PLPPR1: variants seen among roughly 807,000 people sequenced by gnomAD.
The protein encoded by PLPPR1 is phospholipid phosphatase related 1.
PLPPR1 carries 10 observed loss-of-function variants against 33.1 expected under a neutral mutation model. The ratio of observed to expected loss-of-function variants is 0.30; its 90% CI spans 0.19 to 0.51. The LOEUF is 0.51. PLPPR1 is among the 20% of genes least tolerant of loss of function. The pLI, the probability that PLPPR1 is intolerant of heterozygous loss-of-function variation, is 0.97. For missense variants in PLPPR1, 304 were observed against 408.1 expected, an observed-to-expected ratio of 0.74 and a Z score of 2.20; for synonymous variants, 151 against 151.0, an observed-to-expected ratio of 1.00 and a Z score of 0.00.
At chr9:101,304,409 A>C (rs1376952315) in intron 4 of PLPPR1, among the ~76,000 whole-genome samples, 2 of 152,222 alleles carry the variant, frequency 1.3e-5, no homozygotes, top group Admixed American at 1.3e-4. Flanking sequence ...GTTTGATGCT[A>C]GGTGCTGGGA....
chr9:101,295,248 C>A (rs370821719), intron 4 of PLPPR1, among the ~76,000 whole-genome samples: 1 of 151,498 alleles, frequency 6.6e-6, no homozygotes, highest in Non-Finnish European at 1.5e-5. Context: ...TTACAAGGGA[C>A]GTGAAGGACC....
Position 101,210,694 on chromosome 9 carries a change from G to A in PLPPR1, c.63+25137G>A, listed in dbSNP as rs376061137. ...ACTGCTTTATCTTTACCATGGAAGTGGGTATCCTTCCATTTTTAATTGTAA... is the reference window on the plus strand; with the variant it reads ...ACTGCTTTATCTTTACCATGGAAGTAGGTATCCTTCCATTTTTAATTGTAA... On this transcript the variant is annotated intron_variant, in intron 2 of 7. Transcript: ENST00000374874. Among the ~76,000 whole-genome samples the A allele has an allele frequency of 3.2e-4, 49 of 152,286 alleles. 2 individuals carry two copies. Among genetic ancestry groups the A allele is most frequent in the South Asian group, 3.1e-3 (15 of 4,818 alleles).
chr9:101,267,470 A>G (rs1217700764), intron 2 of PLPPR1, among the ~76,000 whole-genome samples: 1 of 152,234 alleles, frequency 6.6e-6, no homozygotes, highest in Non-Finnish European at 1.5e-5. Context: ...CAAGCATGGA[A>G]AAACACATGG....
chr9:101,257,229 C>A (rs752896972), intron 2 of PLPPR1, among the ~76,000 whole-genome samples: 12 of 152,054 alleles, frequency 7.9e-5, no homozygotes, highest in Non-Finnish European at 1.6e-4. Context: ...GTCTCATGTC[C>A]CCACACTCCC....
At chr9:101,198,902 T>C (rs905759341) in intron 2 of PLPPR1, among the ~76,000 whole-genome samples, 1 of 152,196 alleles carries the variant, frequency 6.6e-6, no homozygotes, top group Non-Finnish European at 1.5e-5. Flanking sequence ...GGCCAAATCA[T>C]GCAGTAACTT....
At chr9:101,162,721 A>G (rs1825785474) in intron 1 of PLPPR1, among the ~76,000 whole-genome samples, 1 of 152,102 alleles carries the variant, frequency 6.6e-6, no homozygotes, top group Admixed American at 6.6e-5. Context: ...GGTTTGACCT[A>G]CCATTTTGTT....
chr9:101,106,241 T>C (rs1255018400), intron 1 of PLPPR1, among the ~76,000 whole-genome samples: 1 of 145,978 alleles, frequency 6.9e-6, no homozygotes, highest in Non-Finnish European at 1.5e-5. Flanking sequence ...TTCTTCCTAG[T>C]CTCGATGGTC....
At chr9:101,069,688 G>A (rs1272339379) in intron 1 of PLPPR1, among the ~76,000 whole-genome samples, 31 of 152,142 alleles carry the variant, frequency 2.0e-4, no homozygotes, top group Non-Finnish European at 1.5e-5. Context: ...GTTCCAATAT[G>A]ATTCAAAGTT....
At chr9:101,295,376 C>T (rs1828603779) in intron 4 of PLPPR1, among the ~76,000 whole-genome samples, 1 of 151,594 alleles carries the variant, frequency 6.6e-6, no homozygotes, top group African/African-American at 2.4e-5. Flanking sequence ...GCCATACTGC[C>T]CAAGGTAATT....
intron 2 of PLPPR1, among the ~76,000 whole-genome samples, chr9:101,240,724 T>C (rs900644436): frequency 1.3e-5 from 2 of 152,038 alleles, no homozygotes; most frequent in Non-Finnish European, 2.9e-5. Flanking sequence ...GGATTTCCAA[T>C]AAAGTTGGGA....
At chr9:101,090,583 T>C (rs1450236150) in intron 1 of PLPPR1, among the ~76,000 whole-genome samples, 3 of 152,084 alleles carry the variant, frequency 2.0e-5, no homozygotes, top group Non-Finnish European at 1.5e-5. Context: ...CTGAGTTCAG[T>C]GTTCACGTCT....
chr9:101,253,753 G>A (rs1033924130), intron 2 of PLPPR1, among the ~76,000 whole-genome samples: 14 of 151,978 alleles, frequency 9.2e-5, no homozygotes, highest in South Asian at 2.1e-4. Context: ...TGGTCTTTGC[G>A]TCTACCAAAT....
At chr9:101,197,982 G>A (rs931720430) in intron 2 of PLPPR1, among the ~76,000 whole-genome samples, 19 of 152,034 alleles carry the variant, frequency 1.2e-4, no homozygotes, top group Non-Finnish European at 2.2e-4. Context: ...CAAGCCTTAG[G>A]GAGTATGACT....
At chr9:101,091,902 C>A (rs1588024341) in intron 1 of PLPPR1, among the ~76,000 whole-genome samples, 1 of 152,226 alleles carries the variant, frequency 6.6e-6, no homozygotes, top group Non-Finnish European at 1.5e-5. Context: ...CAGATAATCT[C>A]CTAACTGGCC....
At chr9:101,239,451 C>T (rs1827406035) in intron 2 of PLPPR1, among the ~76,000 whole-genome samples, 1 of 151,882 alleles carries the variant, frequency 6.6e-6, no homozygotes, top group Non-Finnish European at 1.5e-5. Context: ...TACCCCAAAT[C>T]TCAGAATCAT....
intron 1 of PLPPR1, among the ~76,000 whole-genome samples, chr9:101,067,453 A>T (rs1830432817): frequency 6.6e-6 from 1 of 152,046 alleles, no homozygotes; most frequent in African/African-American, 2.4e-5. Flanking sequence ...ATGGTTAAAA[A>T]ATATATATAA....
rs529603956 is a variant in PLPPR1 at position 101,187,927 on chromosome 9, T to C, written c.63+2370T>C. 21 of 151,818 alleles carry C rather than the reference T, an allele frequency of 1.4e-4. No homozygotes were observed. In the East Asian group the frequency reaches 4.1e-3, roughly 29 times the overall value. The allele number at this position is 151,818 out of a possible 1,614,324, so 9.4% of individuals were successfully genotyped here. Reference sequence around the variant, plus strand: ...TTATATGTATGAAGTTTGGGGCTTCTTTTCCCTACATGTTTCCCATGCATG... The same window carrying C: ...TTATATGTATGAAGTTTGGGGCTTCCTTTCCCTACATGTTTCCCATGCATG... On this transcript the variant is annotated intron_variant, in intron 2 of 7. Transcript: ENST00000374874.
At chr9:101,209,003 T>C (rs536007951) in intron 2 of PLPPR1, among the ~76,000 whole-genome samples, 2 of 152,320 alleles carry the variant, frequency 1.3e-5, no homozygotes, top group Admixed American at 1.3e-4. Context: ...GCTCAGAAAC[T>C]AATAAACTGA....
intron 4 of PLPPR1, among the ~76,000 whole-genome samples, chr9:101,300,769 G>C (rs1405715328): frequency 1.3e-5 from 2 of 152,144 alleles, no homozygotes; most frequent in African/African-American, 2.4e-5. Flanking sequence ...TTTGTATCCA[G>C]GGCATATTTT....
Sources: allele counts gnomAD v4.1 joint callset (sites outside exome capture counted in the v4.1 genomes callset), GRCh38; gene constraint gnomAD v4.1.1; transcripts MANE v1.5; gene names NCBI Gene and HGNC (gene_info 2026-07-23, HGNC 2026-07-21).